The following DNAJC15 variants were observed in gnomAD, a reference collection of about 807,000 sequenced individuals.
The protein encoded by DNAJC15 is dnaJ homolog subfamily C member 15.
In DNAJC15, 27 loss-of-function variants were observed where a neutral mutation model predicts 22.4. The observed-to-expected ratio is 1.20, with a 90% CI of 0.89 to 1.66. DNAJC15 has a LOEUF of 1.66. Among genes scored for constraint, DNAJC15 ranks in the 40% most tolerant of loss-of-function variants. The probability of loss-of-function intolerance (pLI) is 0.00; values close to 1 mark genes in which losing one functional copy is unlikely to be tolerated. For missense variants in DNAJC15, 208 were observed against 187.1 expected, an observed-to-expected ratio of 1.11 and a Z score of -0.65; for synonymous variants, 79 against 63.2, an observed-to-expected ratio of 1.25 and a Z score of -1.19.
intron 5 of DNAJC15, among the ~76,000 whole-genome samples, chr13:43,090,406 A>G (rs1236273797): frequency 6.6e-6 from 1 of 152,178 alleles, no homozygotes. Context: ...ATTACGTAGG[A>G]ACTAAGTACA....
rs201382382 is a variant in DNAJC15 at position 43,066,260 on chromosome 13, C to CT, written c.160+531dup. Among the ~76,000 whole-genome samples the CT allele has an allele frequency of 4.4e-3, 641 of 145,504 alleles. 1 individual carries two copies. The highest frequency in any genetic ancestry group is 6.5e-3 in the Non-Finnish European group (430 of 65,840). ...TCGAAAGAATAGTTCTTTTTTTTTT[C>CT]TTTTTTTTGGAATGGGCAAGACTGT... On this transcript the variant is annotated intron_variant, in intron 2 of 5. Transcript: ENST00000379221.
intron 1 of DNAJC15, among the ~76,000 whole-genome samples, chr13:43,055,135 A>G (rs1010040280): frequency 3.2e-4 from 48 of 152,088 alleles, no homozygotes; most frequent in Non-Finnish European, 5.0e-4. Flanking sequence ...TGCAGCTGCA[A>G]GAAGATGTCT....
chr13:43,105,507 T>C (rs1475690366), intron 5 of DNAJC15, among the ~76,000 whole-genome samples: 3 of 152,182 alleles, frequency 2.0e-5, no homozygotes, highest in South Asian at 4.1e-4. Context: ...GCCCTCTAAC[T>C]TAGAGTGAGT....
intron 1 of DNAJC15, among the ~76,000 whole-genome samples, chr13:43,024,893 T>TAAGAAAAAAAAAAAAAA (rs61705035): frequency 1.2e-5 from 1 of 85,946 alleles, no homozygotes; most frequent in Non-Finnish European, 2.3e-5. Flanking sequence ...CCATCTCTGC[T>TAAGAAAAAAAAAAAAAA]AAAAAAAAAA....
intron 1 of DNAJC15, among the ~76,000 whole-genome samples, chr13:43,040,760 G>C (rs994763892): frequency 6.6e-6 from 1 of 152,106 alleles, no homozygotes; most frequent in Non-Finnish European, 1.5e-5. Flanking sequence ...GATGTGGCAG[G>C]GTCATAGGAT....
intron 1 of DNAJC15, among the ~76,000 whole-genome samples, chr13:43,062,639 T>C (rs1371914489): frequency 6.6e-6 from 1 of 152,250 alleles, no homozygotes; most frequent in Non-Finnish European, 1.5e-5. Context: ...AGGCAACTAT[T>C]TCATCTTTTG....
At position 43,076,006 on chromosome 13, in the gene DNAJC15, A is replaced by G. The variant is rs541290323; in HGVS notation, c.235-2606A>G. On this transcript the variant is annotated intron_variant, in intron 3 of 5. Transcript: ENST00000379221. ...TATCTGTATCTGTATTTCTCTCTCT[A>G]TCTCTCTTTATATATGTGCATACTC... Among the ~76,000 whole-genome samples the G allele has an allele frequency of 1.3e-3, 176 of 139,908 alleles. 1 individual carries two copies. The highest frequency in any genetic ancestry group is 0.011 in the Middle Eastern group (3 of 282). The allele number at this position is 139,908 out of a possible 152,430, so 91.8% of individuals were successfully genotyped here.
intron 1 of DNAJC15, among the ~76,000 whole-genome samples, chr13:43,057,657 G>A (rs772984282): frequency 1.3e-5 from 2 of 152,108 alleles, no homozygotes; most frequent in Non-Finnish European, 2.9e-5. Context: ...TGGTCTTTTG[G>A]AGATGTTAAA....
chr13:43,096,555 T>C (rs1023900335), intron 5 of DNAJC15, among the ~76,000 whole-genome samples: 1 of 152,208 alleles, frequency 6.6e-6, no homozygotes, highest in African/African-American at 2.4e-5. Context: ...CAACAAAATT[T>C]ACTGAGTACT....
At chr13:43,041,045 C>T (rs962123612) in intron 1 of DNAJC15, among the ~76,000 whole-genome samples, 4 of 152,160 alleles carry the variant, frequency 2.6e-5, no homozygotes, top group African/African-American at 7.2e-5. Context: ...TGCAAAGAGG[C>T]GTTCCTTCCT....
intron 1 of DNAJC15, among the ~76,000 whole-genome samples, chr13:43,055,944 T>A (rs556718341): frequency 9.8e-5 from 15 of 152,316 alleles, no homozygotes; most frequent in Non-Finnish European, 1.9e-4. Flanking sequence ...GTGTCACTAA[T>A]GTCAGTTCAG....
At chr13:43,068,167 G>T (rs1486813719) in intron 2 of DNAJC15, among the ~76,000 whole-genome samples, 2 of 152,060 alleles carry the variant, frequency 1.3e-5, no homozygotes, top group African/African-American at 4.8e-5. Flanking sequence ...CAAGACTCTT[G>T]GAGAAAGAGA....
At chr13:43,034,533 T>C (rs984741615) in intron 1 of DNAJC15, among the ~76,000 whole-genome samples, 12 of 151,992 alleles carry the variant, frequency 7.9e-5, no homozygotes, top group African/African-American at 1.9e-4. Context: ...GCCAGGATGG[T>C]CTTGTTCTCC....
chr13:43,049,545 T>C (rs962606558), intron 1 of DNAJC15, among the ~76,000 whole-genome samples: 4 of 152,226 alleles, frequency 2.6e-5, no homozygotes, highest in African/African-American at 9.6e-5. Context: ...TTTACACAGT[T>C]ATGCCAAGTA....
In DNAJC15 at chr13:43,060,146, A is replaced by AGT. The variant is rs560152885; in HGVS notation, c.109-5537_109-5536dup. 1.7e-3 allele frequency among the ~76,000 whole-genome samples: 258 copies of AGT among 152,212 alleles called. 3 individuals carry two copies. Among genetic ancestry groups the AGT allele is most frequent in the Admixed American group, 0.016 (240 of 15,286 alleles). On this transcript the variant is annotated intron_variant, in intron 1 of 5. Transcript: ENST00000379221. ...TAAGAAAAGCAAAACAAAATAGTGA[A>AGT]GTGTTGGAGCGGCGAAAAATTTTGG... is the stretch of plus-strand genomic sequence containing the variant.
chr13:43,033,436 A>G (rs983063059), intron 1 of DNAJC15, among the ~76,000 whole-genome samples: 1 of 152,090 alleles, frequency 6.6e-6, no homozygotes, highest in Non-Finnish European at 1.5e-5. Context: ...ATAAACCAAT[A>G]TTGATCCATT....
chr13:43,093,410 C>A (rs377275716), intron 5 of DNAJC15, among the ~76,000 whole-genome samples: 21 of 152,030 alleles, frequency 1.4e-4, no homozygotes, highest in East Asian at 3.9e-4. Context: ...TTTTATTTTT[C>A]TTTTTCTTTG....
At chr13:43,091,321 C>T (rs2040714061) in intron 5 of DNAJC15, among the ~76,000 whole-genome samples, 1 of 152,186 alleles carries the variant, frequency 6.6e-6, no homozygotes, top group Non-Finnish European at 1.5e-5. Flanking sequence ...CTCCTGACGT[C>T]AGGTGTTCTG....
chr13:43,034,562 G>GCCTCGGCCT (rs1338585424), intron 1 of DNAJC15, among the ~76,000 whole-genome samples: 2 of 151,832 alleles, frequency 1.3e-5, no homozygotes, highest in Non-Finnish European at 2.9e-5. Context: ...TGATCCGCCC[G>GCCTCGGCCT]CCTCGGCCTC....
Sources: allele counts gnomAD v4.1 joint callset (sites outside exome capture counted in the v4.1 genomes callset), GRCh38; gene constraint gnomAD v4.1.1; transcripts MANE v1.5; gene names NCBI Gene and HGNC (gene_info 2026-07-23, HGNC 2026-07-21).